Variants in TRIM65 observed in about 807,000 individuals in gnomAD.
TRIM65 encodes the protein E3 ubiquitin-protein ligase TRIM65.
In TRIM65, 46 loss-of-function variants were observed where a neutral mutation model predicts 36.1. That is an observed-to-expected ratio of 1.27 (90% confidence interval 1.01 to 1.63). The LOEUF (loss-of-function observed/expected upper bound fraction) is 1.63. TRIM65 is among the 40% of genes most tolerant of loss of function. TRIM65 has a pLI of 0.00. For missense variants in TRIM65, 708 were observed against 696.6 expected (o/e 1.02, Z -0.18); for synonymous variants, 346 against 313.6 (o/e 1.10, Z -1.09).
intron 4 of TRIM65, among the ~76,000 whole-genome samples, chr17:75,883,485 T>C (rs957046866): frequency 1.3e-5 from 2 of 151,798 alleles, no homozygotes; most frequent in East Asian, 3.9e-4. Flanking sequence ...TTTGTTTTTC[T>C]GTTTGTTTCA....
downstream of TRIM65, among the ~76,000 whole-genome samples, chr17:75,888,246 G>C (rs61166506): frequency 2.0e-5 from 3 of 151,020 alleles, no homozygotes; most frequent in Admixed American, 2.0e-4. Flanking sequence ...CCAGCTACTC[G>C]GGAGGCTGAG....
At chr17:75,892,550 C>T (rs776899655) in intron 2 of TRIM65, 50 bp from the exon 3 acceptor site, 1 of 1,535,438 alleles carries the variant, frequency 6.5e-7, no homozygotes, top group East Asian at 2.3e-5. Flanking sequence ...CTGTGCCATA[C>T]CAAGGGAGGC....
chr17:75,893,894 G>C (rs1302575846), intron 1 of TRIM65, among the ~76,000 whole-genome samples: 1 of 151,950 alleles, frequency 6.6e-6, no homozygotes, highest in Non-Finnish European at 1.5e-5. Context: ...CTCATCTACC[G>C]GCCTCCAACT....
chr17:75,882,676 C>A (rs1454698883), intron 4 of TRIM65, among the ~76,000 whole-genome samples: 1 of 150,566 alleles, frequency 6.6e-6, no homozygotes, highest in Non-Finnish European at 1.5e-5. Flanking sequence ...AGGACCCTAT[C>A]CTAAAGGATG....
intron 1 of TRIM65, 134 bp from the exon 2 acceptor site, chr17:75,892,984 C>G: frequency 1.3e-6 from 1 of 744,576 alleles, no homozygotes; most frequent in South Asian, 1.7e-5. Flanking sequence ...GCCTCCAGAG[C>G]ACCGGCCTCG....
At chr17:75,881,037 C>T (rs1479000446) in intron 4 of TRIM65, among the ~76,000 whole-genome samples, 3 of 149,766 alleles carry the variant, frequency 2.0e-5, no homozygotes, top group African/African-American at 5.1e-5. Context: ...CTTGAGGTCA[C>T]GAGTTCCAGA....
At position 75,896,705 on chromosome 17, in the gene TRIM65, G is replaced by T; in HGVS notation, c.233C>A (p.Ala78Asp). The T allele has an allele frequency of 7.4e-7, 1 of 1,346,602 alleles. No individual in the cohort carries two copies. 83.4% of individuals were successfully genotyped at this position (1,346,602 alleles called of 1,614,324 possible). A position where few individuals can be genotyped will look rare whatever the true frequency, so the allele number is the denominator to read the frequency against. The change falls in exon 1 of 6, where the codon GCC (alanine) becomes GAC (aspartate). Residue 78 changes from alanine (A) to aspartate (D), a missense_variant. Physicochemically the swap from Ala to Asp is moderately radical, Grantham distance 126. Transcript: ENST00000269383. ...GCCGGGATCGGGGCCGGGATCCCGG[G>T]CGGGCCCGGCGCGCACCACCTCCAG... ...GVLEVVRAGP[A>D]RDPGPDPGPG...
chr17:75,894,309 C>T (rs2065315163), intron 1 of TRIM65, among the ~76,000 whole-genome samples: 1 of 152,324 alleles, frequency 6.6e-6, no homozygotes, highest in African/African-American at 2.4e-5. Flanking sequence ...CCTCTGTCCC[C>T]GAATGATTCC....
intron 1 of TRIM65, 113 bp from the exon 2 acceptor site, chr17:75,892,963 A>G (rs2065294569): frequency 1.1e-6 from 1 of 878,514 alleles, no homozygotes; most frequent in Admixed American, 2.3e-5. Context: ...TCCCCACGCC[A>G]CCCCAGGCCA....
intron 1 of TRIM65, 112 bp from the exon 2 acceptor site, chr17:75,892,962 C>T: frequency 3.4e-6 from 3 of 880,014 alleles, no homozygotes; most frequent in Non-Finnish European, 5.3e-6. Context: ...CTCCCCACGC[C>T]ACCCCAGGCC....
chr17:75,891,916 G>T, intron 4 of TRIM65, 38 bp from the exon 5 acceptor site: 1 of 1,589,072 alleles, frequency 6.3e-7, no homozygotes, highest in Non-Finnish European at 8.6e-7. Context: ...TGGTTGGAGA[G>T]GTCACGATGT....
At chr17:75,893,075 G>A (rs1309754385) in intron 1 of TRIM65, among the ~76,000 whole-genome samples, 4 of 152,226 alleles carry the variant, frequency 2.6e-5, no homozygotes, top group Non-Finnish European at 5.9e-5. Context: ...GGTGGTGCCT[G>A]AGCAGAGCGG....
In TRIM65 at chr17:75,892,496, G is replaced by A. The variant is rs772987428; in HGVS notation, c.515C>T (p.Ser172Leu). 29 of 1,613,322 alleles carry A rather than the reference G, an allele frequency of 1.8e-5. No homozygotes were observed. In the South Asian group the frequency reaches 1.9e-4, roughly 10 times the overall value. The change falls in exon 3 of 6, where the codon TCG becomes TTG. Residue 172 changes from serine to leucine, a missense_variant. Ser to Leu is a moderately radical substitution (Grantham distance 145). Coordinates refer to ENST00000269383, the MANE Select transcript of TRIM65 (RefSeq NM_173547.4). ...GACCCAGGAGGCCAAGATGCAGGCCGAGTTCTGGGCGGGAACAGGAGGGGC... is the reference window on the plus strand; with the variant it reads ...GACCCAGGAGGCCAAGATGCAGGCCAAGTTCTGGGCGGGAACAGGAGGGGC... ...LRKQSSQIQN[S>L]ACILASWVSG...
intron 1 of TRIM65, among the ~76,000 whole-genome samples, chr17:75,895,259 C>T (rs541923880): frequency 2.6e-5 from 4 of 152,302 alleles, no homozygotes; most frequent in South Asian, 4.1e-4. Flanking sequence ...TCTTGGTCTC[C>T]CTTCCCTGAT....
Position 75,891,292 on chromosome 17 carries a change from CGACAGA to C in TRIM65, c.1035_1040del (p.Tyr345_Ser347delinsTer). 6.2e-7 allele frequency: 1 copy of C among 1,613,162 alleles called. No homozygotes were observed. The highest frequency in any genetic ancestry group is 1.6e-4 in the Middle Eastern group (1 of 6,062). On this transcript the variant is annotated stop_gained and inframe_deletion, in exon 6 of 6. Coordinates refer to ENST00000269383, the MANE Select transcript of TRIM65 (RefSeq NM_173547.4). LOFTEE classifies it low-confidence loss of function (END_TRUNC). ...AGTGCTTCACCTGCTGGTCCTGGCGCGACAGATAGAAGTGACGGTTGGCGCTGACTG... is the reference window on the plus strand; with the variant it reads ...AGTGCTTCACCTGCTGGTCCTGGCGCTAGAAGTGACGGTTGGCGCTGACTG...
At position 75,890,717 on chromosome 17, in the gene TRIM65, G is replaced by A; in HGVS notation, c.*62C>T. On this transcript the variant is annotated 3_prime_UTR_variant, in exon 6 of 6. Coordinates refer to ENST00000269383, the MANE Select transcript of TRIM65 (RefSeq NM_173547.4). ...GTCCTCCAGTCCCCAAGCTGAAGCT[G>A]GGCAGCTCTTGGGCACATAGGCATG... 1.5e-6 allele frequency: 2 copies of A among 1,361,370 alleles called. No homozygotes were observed. The highest frequency in any genetic ancestry group is 9.7e-7 in the Non-Finnish European group (1 of 1,035,326). The allele number at this position is 1,361,370 out of a possible 1,614,324, so 84.3% of individuals were successfully genotyped here. A position where few individuals can be genotyped will look rare whatever the true frequency, so the allele number is the denominator to read the frequency against.
intron 1 of TRIM65, among the ~76,000 whole-genome samples, chr17:75,896,017 G>A (rs1310124226): frequency 6.6e-6 from 1 of 152,206 alleles, no homozygotes; most frequent in African/African-American, 2.4e-5. Context: ...GTCACTGGCC[G>A]GGCTGCATAT....
At position 75,891,275 on chromosome 17, in the gene TRIM65, ACCTGCTGGT is replaced by A. The variant is rs761278118; in HGVS notation, c.1049_1057del (p.Asp350_Gln352del). The A allele has an allele frequency of 1.4e-5, 23 of 1,612,904 alleles. No individual in the cohort carries two copies. Among genetic ancestry groups the A allele is most frequent in the Admixed American group, 1.0e-4 (6 of 59,996 alleles). On this transcript the variant is annotated inframe_deletion, in exon 6 of 6. Coordinates refer to ENST00000269383, the MANE Select transcript of TRIM65 (RefSeq NM_173547.4). ...GCCCCGGGACTGACGACAGTGCTTC[ACCTGCTGGT>A]CCTGGCGCGACAGATAGAAGTGACG...
chr17:75,883,955 TG>T (rs2065187332), intron 4 of TRIM65, among the ~76,000 whole-genome samples: 3 of 152,118 alleles, frequency 2.0e-5, no homozygotes, highest in South Asian at 4.1e-4. Context: ...CTGGCCAACA[TG>T]GCAAATCCCT....
Sources: gnomAD v4.1 joint callset for allele counts (sites outside exome capture counted in the v4.1 genomes callset) on GRCh38, gnomAD v4.1.1 for gene constraint, MANE v1.5 for transcripts, NCBI Gene and HGNC (gene_info 2026-07-23, HGNC 2026-07-21) for gene names.